IL7: variants seen among roughly 807,000 people sequenced by gnomAD.
The protein encoded by IL7 is interleukin 7, also known as interleukin-7.
Under a neutral mutation model 21.6 loss-of-function variants are expected in IL7, and 3 were observed. That is an observed-to-expected ratio of 0.14 (90% CI 0.06 to 0.36). IL7 has a LOEUF of 0.36. Among genes scored for constraint, IL7 ranks in the 10% least tolerant of loss-of-function variants. IL7 has a pLI of 1.00. For synonymous variants in IL7, 62 were observed against 68.1 expected (o/e 0.91, Z 0.44); for missense variants, 175 against 200.2 (o/e 0.87, Z 0.76).
At chr8:78,710,284 T>C (rs568013910) in intron 3 of IL7, among the ~76,000 whole-genome samples, 15 of 152,278 alleles carry the variant, frequency 9.9e-5, no homozygotes, top group African/African-American at 3.6e-4. Flanking sequence ...GAGTTTTGAA[T>C]GTACATATAT....
At chr8:78,728,665 G>A (rs79166683), downstream of IL7, among the ~76,000 whole-genome samples, 935 of 152,022 alleles carry the variant, frequency 6.2e-3, 8 homozygotes, top group African/African-American at 0.021. Context: ...CTAGAGCAAT[G>A]GTTTCAAGTG....
chr8:78,688,150 A>C (rs1361775277), intron 3 of IL7, among the ~76,000 whole-genome samples: 1 of 151,696 alleles, frequency 6.6e-6, no homozygotes, highest in African/African-American at 2.4e-5. Flanking sequence ...GGTATGCTTT[A>C]ACTGATCCTG....
chr8:78,723,092 A>AATATATAT (rs71264200), intron 3 of IL7, among the ~76,000 whole-genome samples: 57,724 of 139,834 alleles, frequency 0.41, 12,966 homozygotes, highest in East Asian at 0.58. Flanking sequence ...TAGAAGTACA[A>AATATATAT]ATATATATAT....
At chr8:78,797,431 T>C (rs1043016321) in intron 2 of IL7, among the ~76,000 whole-genome samples, 1 of 151,970 alleles carries the variant, frequency 6.6e-6, no homozygotes, top group Admixed American at 6.6e-5. Flanking sequence ...GCTCATCAAT[T>C]GTAATAAATG....
At chr8:78,773,685 A>C (rs1317980168) in intron 2 of IL7, among the ~76,000 whole-genome samples, 1 of 152,116 alleles carries the variant, frequency 6.6e-6, no homozygotes, top group Non-Finnish European at 1.5e-5. Context: ...TAACCTAAGG[A>C]AAGTTGTTGA....
chr8:78,792,786 T>C (rs1185846584), intron 2 of IL7, among the ~76,000 whole-genome samples: 1 of 151,936 alleles, frequency 6.6e-6, no homozygotes. Flanking sequence ...TAACAAGCTT[T>C]GGTGAGAAAG....
intron 2 of IL7, among the ~76,000 whole-genome samples, chr8:78,765,634 C>A (rs1346474282): frequency 1.3e-5 from 2 of 151,988 alleles, no homozygotes; most frequent in Non-Finnish European, 2.9e-5. Context: ...CAATGAGATA[C>A]CATGACACCC....
intron 4 of IL7, among the ~76,000 whole-genome samples, chr8:78,681,826 C>A (rs1228280631): frequency 6.6e-6 from 1 of 151,222 alleles, no homozygotes; most frequent in Non-Finnish European, 1.5e-5. Context: ...TTTATAATAT[C>A]TTCTTGTCTT....
rs1051374769 is a variant in IL7, at chr8:78,760,291, T to C, written c.148-20209A>G. On this transcript the variant is annotated intron_variant, in intron 2 of 5. Coordinates refer to ENST00000263851, the MANE Select transcript of IL7 (RefSeq NM_000880.4). ...GCCAAGTTACTTGACCTTTGGTCTG[T>C]CAAAGTGTTCCTCAAATATGCTTTA... is the stretch of plus-strand genomic sequence containing the variant. The C allele has an allele frequency of 7.2e-5, 116 of 1,606,894 alleles. No homozygotes were observed. In the Middle Eastern group the frequency reaches 9.0e-4, roughly 13 times the overall value.
intron 3 of IL7, among the ~76,000 whole-genome samples, chr8:78,704,163 C>A (rs976053382): frequency 6.6e-6 from 1 of 152,026 alleles, no homozygotes; most frequent in Non-Finnish European, 1.5e-5. Context: ...GAGCGGATCA[C>A]CTGAGGTCAG....
At chr8:78,712,061 A>G in intron 3 of IL7, 2 of 1,289,746 alleles carry the variant, frequency 1.6e-6, no homozygotes, top group Non-Finnish European at 2.0e-6. Context: ...AGTGATACAA[A>G]ATCAGACAGT....
intron 3 of IL7, among the ~76,000 whole-genome samples, chr8:78,688,841 G>A (rs758436758): frequency 2.6e-5 from 4 of 151,880 alleles, no homozygotes; most frequent in African/African-American, 2.4e-5. Context: ...GTATTTTAAC[G>A]TCATGTATTA....
chr8:78,796,522 G>GA (rs1218934559), intron 2 of IL7, among the ~76,000 whole-genome samples: 3 of 151,690 alleles, frequency 2.0e-5, no homozygotes, highest in Non-Finnish European at 4.4e-5. Flanking sequence ...ATTAAATGAT[G>GA]AAAAAAATTA....
chr8:78,679,819 TG>T (rs1370681992), intron 4 of IL7, among the ~76,000 whole-genome samples: 1 of 152,234 alleles, frequency 6.6e-6, no homozygotes, highest in Non-Finnish European at 1.5e-5. Flanking sequence ...TGTTCATTTT[TG>T]TTTTTTACTG....
chr8:78,786,611 T>C (rs1032030090), intron 2 of IL7, among the ~76,000 whole-genome samples: 1 of 152,188 alleles, frequency 6.6e-6, no homozygotes, highest in Non-Finnish European at 1.5e-5. Context: ...CTAGGCAATA[T>C]GAATATTGCA....
intron 3 of IL7, among the ~76,000 whole-genome samples, chr8:78,726,701 C>T (rs1486675844): frequency 6.6e-6 from 1 of 151,870 alleles, no homozygotes; most frequent in African/African-American, 2.4e-5. Context: ...TGAGACTTTC[C>T]TCCCCCACCT....
At chr8:78,732,341 A>T (rs1005209273), downstream of IL7, among the ~76,000 whole-genome samples, 10 of 152,230 alleles carry the variant, frequency 6.6e-5, no homozygotes, top group Non-Finnish European at 1.2e-4. Flanking sequence ...GTGAAGGTGA[A>T]ATGTCATATG....
At chr8:78,743,054 A>G (rs1449863152) in intron 2 of IL7, among the ~76,000 whole-genome samples, 1 of 152,206 alleles carries the variant, frequency 6.6e-6, no homozygotes, top group African/African-American at 2.4e-5. Context: ...TGCAAAGGAC[A>G]TGATCTCATT....
chr8:78,711,733 G>T (rs1378700039), intron 3 of IL7, among the ~76,000 whole-genome samples: 1 of 151,504 alleles, frequency 6.6e-6, no homozygotes, highest in African/African-American at 2.4e-5. Context: ...TGATTCCATT[G>T]CCCTGCTGTG....
Sources: gnomAD v4.1 joint callset for allele counts (sites outside exome capture counted in the v4.1 genomes callset) on GRCh38, gnomAD v4.1.1 for gene constraint, MANE v1.5 for transcripts, NCBI Gene and HGNC (gene_info 2026-07-23, HGNC 2026-07-21) for gene names.